Variants in RLBP1 observed in about 807,000 individuals in gnomAD.
RLBP1 encodes the protein retinaldehyde-binding protein 1.
RLBP1 carries 26 observed loss-of-function variants against 36.2 expected under a neutral mutation model. That is an observed-to-expected ratio of 0.72 (90% CI 0.53 to 1.00). The LOEUF is 1.00. Among genes scored for constraint, RLBP1 ranks in the 50% least tolerant of loss-of-function variants. The pLI, the probability that RLBP1 is intolerant of heterozygous loss-of-function variation, is 0.00. For missense variants in RLBP1, 410 were observed against 402.4 expected (o/e 1.02, Z -0.16); for synonymous variants, 155 against 156.2 (o/e 0.99, Z 0.06).
At position 89,210,703 on chromosome 15, in the gene RLBP1, T is replaced by C; in HGVS notation, c.791A>G (p.Glu264Gly). 1 of 1,591,368 alleles carries C rather than the reference T, an allele frequency of 6.3e-7. No homozygotes were observed. Among genetic ancestry groups the C allele is most frequent in the Non-Finnish European group, 8.6e-7 (1 of 1,166,708 alleles). Residue 264 changes from glutamate (E) to glycine (G), a missense_variant, in exon 8 of 9, where the codon GAG (glutamate) becomes GGG (glycine). Physicochemically the swap from Glu to Gly is moderately conservative, Grantham distance 98. Coordinates refer to ENST00000268125, the MANE Select transcript of RLBP1 (RefSeq NM_000326.5). This position sits in a 1 kb window ranked among gnomAD's most constrained non-coding sequence, Gnocchi z 4.7. ...CTGGGCGGCCCACGTACTCACCCTC[T>C]CAAGCAGCTTGCTCTTCAAGAAGGG... ...VKPFLKSKLLERVFVHGDDLS... is the reference protein window; with the variant it reads ...VKPFLKSKLLGRVFVHGDDLS...
intron 5 of RLBP1, 100 bp from the exon 6 acceptor site, chr15:89,215,338 A>G (rs2051571373): frequency 1.7e-6 from 2 of 1,177,276 alleles, no homozygotes; most frequent in East Asian, 2.4e-5. Context: ...GCCAGGTCCT[A>G]TGTGTGACCG....
Position 89,210,345 on chromosome 15 carries a change from G to A in RLBP1, c.894C>T (p.Gly298=), listed in dbSNP as rs2051526419. Residue 298 remains glycine (G), a synonymous_variant, in exon 9 of 9, where the codon GGC becomes GGT. Coordinates refer to ENST00000268125, the MANE Select transcript of RLBP1 (RefSeq NM_000326.5). The surrounding 1 kb of genome is among the most constrained non-coding windows in gnomAD (Gnocchi z 4.7). ...DFGGTLPKYD[G]KAVAEQLFGP... ...CAAAGAGCTGCTCAGCAACGGCCTTGCCATCATACTTGGGCAGCGTGCCCC... is the reference window on the plus strand; with the variant it reads ...CAAAGAGCTGCTCAGCAACGGCCTTACCATCATACTTGGGCAGCGTGCCCC... 6.2e-7 allele frequency: 1 copy of A among 1,614,118 alleles called. No individual in the cohort carries two copies. The highest frequency in any genetic ancestry group is 8.5e-7 in the Non-Finnish European group (1 of 1,180,060).
At chr15:89,219,515 A>G (rs1156903366) in intron 2 of RLBP1, 1 of 175,416 alleles carries the variant, frequency 5.7e-6, no homozygotes, top group Non-Finnish European at 1.2e-5. Flanking sequence ...TCCCCAATGC[A>G]TTCATTCTCA....
chr15:89,219,578 T>C (rs763749477), intron 2 of RLBP1, 159 bp downstream of exon 2: 2 of 162,686 alleles, frequency 1.2e-5, no homozygotes, highest in Non-Finnish European at 2.7e-5. Flanking sequence ...TGGAAGTGTG[T>C]TCTGTGCTTT....
In RLBP1 at chr15:89,209,929, C is replaced by T. The variant is rs190236976; in HGVS notation, c.*356G>A. On this transcript the variant is annotated 3_prime_UTR_variant, in exon 9 of 9. Coordinates refer to ENST00000268125, the MANE Select transcript of RLBP1 (RefSeq NM_000326.5). Reference sequence around the variant, plus strand: ...GGGCGAATAGGGGGATATTTTAACCCGGGCTCCTTGCCTGTTTTCACAGAC... The same window carrying T: ...GGGCGAATAGGGGGATATTTTAACCTGGGCTCCTTGCCTGTTTTCACAGAC... The T allele has an allele frequency of 1.7e-3, 559 of 324,940 alleles. 4 individuals carry two copies. The highest frequency in any genetic ancestry group is 0.011 in the African/African-American group (533 of 47,200). The allele number at this position is 324,940 out of a possible 1,614,324, so 20.1% of individuals were successfully genotyped here.
In RLBP1 at chr15:89,210,683, C is replaced by A; in HGVS notation, c.795+16G>T. The A allele has an allele frequency of 6.5e-7, 1 of 1,542,690 alleles. No individual in the cohort carries two copies. ...CAGCCCTCTTGTCTCATTGTCTGGG[C>A]GGCCCACGTACTCACCCTCTCAAGC... On this transcript the variant is annotated intron_variant, in intron 8 of 8. Transcript: ENST00000268125. The surrounding 1 kb of genome is among the most constrained non-coding windows in gnomAD (Gnocchi z 4.7).
chr15:89,211,639 G>T lies in RLBP1; in HGVS notation c.684+104C>A. The stretch of plus-strand genomic sequence containing the variant: ...CTGTCACTGCTCTTTATGGCGCGAG[G>T]TGGTCCAACTTCTCAGTTCCCTGCA... On this transcript the variant is annotated intron_variant, in intron 7 of 8. Transcript: ENST00000268125. This position sits in a 1 kb window ranked among gnomAD's most constrained non-coding sequence, Gnocchi z 5.8. The T allele has an allele frequency of 2.5e-6, 3 of 1,205,572 alleles. No homozygotes were observed. Among genetic ancestry groups the T allele is most frequent in the Non-Finnish European group, 3.6e-6 (3 of 829,752 alleles). 74.7% of individuals were successfully genotyped at this position (1,205,572 alleles called of 1,614,324 possible).
At position 89,217,243 on chromosome 15, in the gene RLBP1, C is replaced by T; in HGVS notation, c.223G>A (p.Ala75Thr). The change falls in exon 5 of 9, where the codon GCC (alanine) becomes ACC (threonine). Residue 75 changes from alanine to threonine, a missense_variant. Transcript: ENST00000268125. ...GCCACCGCCAGCTCCTCCCCCGAGG[C>T]CGCCTGCGCCTGCACCATCTCCTGC... ...ELQEMVQAQA[A>T]SGEELAVAVA... 6.2e-7 allele frequency: 1 copy of T among 1,612,010 alleles called. No individual in the cohort carries two copies.
At position 89,211,126 on chromosome 15, in the gene RLBP1, C is replaced by T. The variant is rs1009201774; in HGVS notation, c.685-317G>A. ...GACCTTTTGGTGAGTTTTTTCAAAC[C>T]CACTTGCCTGCCGAAGGGACTGCAA... On this transcript the variant is annotated intron_variant, in intron 7 of 8. Transcript: ENST00000268125. The surrounding 1 kb of genome is among the most constrained non-coding windows in gnomAD (Gnocchi z 5.8). Among the ~76,000 whole-genome samples the T allele has an allele frequency of 6.6e-6, 1 of 152,088 alleles. No homozygotes were observed. The highest frequency in any genetic ancestry group is 1.5e-5 in the Non-Finnish European group (1 of 68,002).
intron 1 of RLBP1, among the ~76,000 whole-genome samples, chr15:89,220,728 T>G (rs898532715): frequency 1.2e-4 from 19 of 152,156 alleles, no homozygotes; most frequent in African/African-American, 4.3e-4. Context: ...CTGACAGAAC[T>G]GCCCTGGGGA....
intron 5 of RLBP1, among the ~76,000 whole-genome samples, chr15:89,216,740 AACTGCCCTGAGAGAGGC>A (rs1313712085): frequency 6.6e-6 from 1 of 152,168 alleles, no homozygotes; most frequent in Admixed American, 6.5e-5. Flanking sequence ...AGGCTTAGGT[AACTGCCCTGAGAGAGGC>A]ACTATCCACC....
intron 1 of RLBP1, among the ~76,000 whole-genome samples, chr15:89,220,540 T>G (rs1406917040): frequency 6.6e-6 from 1 of 152,078 alleles, no homozygotes; most frequent in African/African-American, 2.4e-5. Flanking sequence ...CTCTTTCCAC[T>G]CCACACCCCC....
chr15:89,215,340 G>A, intron 5 of RLBP1, 102 bp from the exon 6 acceptor site: 2 of 1,141,654 alleles, frequency 1.8e-6, no homozygotes, highest in Non-Finnish European at 2.6e-6. Context: ...CAGGTCCTAT[G>A]TGTGACCGAG....
At chr15:89,213,860 C>A (rs1460261673) in intron 6 of RLBP1, among the ~76,000 whole-genome samples, 1 of 152,052 alleles carries the variant, frequency 6.6e-6, no homozygotes, top group Non-Finnish European at 1.5e-5. Context: ...TAAAGCTAGA[C>A]AAATTAATTC....
At position 89,218,480 on chromosome 15, in the gene RLBP1, C is replaced by T. The variant is rs16942871; in HGVS notation, c.141+85G>A. ...ATGATCTGGAGTGCCGAGGCTGGAC[C>T]CTTTTCACAGGAGAGAGAATGCAGT... On this transcript the variant is annotated intron_variant, in intron 4 of 8. Transcript: ENST00000268125. This position sits in a 1 kb window ranked among gnomAD's most constrained non-coding sequence, Gnocchi z 4.6. 9 of 1,594,790 alleles carry T rather than the reference C, an allele frequency of 5.6e-6. No homozygotes were observed. The highest frequency in any genetic ancestry group is 6.9e-6 in the Non-Finnish European group (8 of 1,165,722).
chr15:89,220,549 C>G (rs947099135), intron 1 of RLBP1, among the ~76,000 whole-genome samples: 1 of 152,164 alleles, frequency 6.6e-6, no homozygotes, highest in Non-Finnish European at 1.5e-5. Context: ...CTCCACACCC[C>G]CAGCAAGCAC....
In RLBP1 at chr15:89,210,341, C is replaced by A; in HGVS notation, c.898G>T (p.Ala300Ser). Residue 300 changes from alanine to serine, a missense_variant, in exon 9 of 9, where the codon GCC becomes TCC. Ala to Ser is a moderately conservative substitution (Grantham distance 99, BLOSUM62 1). Coordinates refer to ENST00000268125, the MANE Select transcript of RLBP1 (RefSeq NM_000326.5). The surrounding 1 kb of genome is among the most constrained non-coding windows in gnomAD (Gnocchi z 4.7). Reference protein sequence around the residue: ...GGTLPKYDGKAVAEQLFGPQA... With the variant: ...GGTLPKYDGKSVAEQLFGPQA... ...GGGCCAAAGAGCTGCTCAGCAACGGCCTTGCCATCATACTTGGGCAGCGTG... is the reference window on the plus strand; with the variant it reads ...GGGCCAAAGAGCTGCTCAGCAACGGACTTGCCATCATACTTGGGCAGCGTG... The A allele has an allele frequency of 6.2e-7, 1 of 1,614,244 alleles. No homozygotes were observed.
At position 89,211,545 on chromosome 15, in the gene RLBP1, T is replaced by C. The variant is rs947570489; in HGVS notation, c.684+198A>G. ...GGAGAGAATGCTCTCAAGGAGTCGA[T>C]GGAAGAATGAAAGGGAATACTTGGC... On this transcript the variant is annotated intron_variant, in intron 7 of 8. Transcript: ENST00000268125. The surrounding 1 kb of genome is among the most constrained non-coding windows in gnomAD (Gnocchi z 5.8). Among the ~76,000 whole-genome samples the C allele has an allele frequency of 6.6e-6, 1 of 152,158 alleles. No homozygotes were observed. Among genetic ancestry groups the C allele is most frequent in the South Asian group, 2.1e-4 (1 of 4,820 alleles).
In RLBP1 at chr15:89,219,785, A is replaced by G. The variant is rs1008819418; in HGVS notation, c.-149T>C. ...ACCAAGAGGCAGCCTGCTGTGGCGC[A>G]AAAGTTGGACCTGGGTTCAAGTTCT... On this transcript the variant is annotated 5_prime_UTR_variant, in exon 2 of 9. Transcript: ENST00000268125. 2 of 152,368 alleles carry G rather than the reference A, an allele frequency of 1.3e-5. No individual in the cohort carries two copies. The highest frequency in any genetic ancestry group is 2.9e-5 in the Non-Finnish European group (2 of 68,166). The allele number at this position is 152,368 out of a possible 1,614,324, so 9.4% of individuals were successfully genotyped here. A position where few individuals can be genotyped will look rare whatever the true frequency, so the allele number is the denominator to read the frequency against.
Sources: allele counts gnomAD v4.1 joint callset (sites outside exome capture counted in the v4.1 genomes callset), GRCh38; gene constraint gnomAD v4.1.1; non-coding constraint Gnocchi (gnomAD v3.1); transcripts MANE v1.5; gene names NCBI Gene and HGNC (gene_info 2026-07-23, HGNC 2026-07-21).